Variants in HMCN2 observed in about 807,000 individuals in gnomAD.
HMCN2 encodes the protein hemicentin 2.
A neutral mutation model predicts 377.5 loss-of-function variants in HMCN2; 325 were observed. The ratio of observed to expected loss-of-function variants is 0.86; its 90% CI spans 0.79 to 0.94. HMCN2 has a LOEUF of 0.94. Among genes scored for constraint, HMCN2 ranks in the 40% least tolerant of loss-of-function variants. The pLI is 0.00. For missense variants in HMCN2, 4,543 were observed against 4,725.3 expected (o/e 0.96, Z 1.13); for synonymous variants, 2,007 against 2,046.8 (o/e 0.98, Z 0.53).
At chr9:130,327,156 C>G (rs1209453420) in intron 21 of HMCN2, among the ~76,000 whole-genome samples, 154 bp from the exon 22 acceptor site, 7 of 152,094 alleles carry the variant, frequency 4.6e-5, no homozygotes, top group Non-Finnish European at 5.9e-5. Flanking sequence ...TGGACTCCCC[C>G]CCTTCTGACA....
Position 130,349,569 on chromosome 9 carries a change from C to T in HMCN2, c.4336C>T (p.Gln1446Ter), listed in dbSNP as rs559732249. 2 of 1,303,530 alleles carry T rather than the reference C, an allele frequency of 1.5e-6. No individual in the cohort carries two copies. Among genetic ancestry groups the T allele is most frequent in the Non-Finnish European group, 2.0e-6 (2 of 988,866 alleles). 80.7% of individuals were successfully genotyped at this position (1,303,530 alleles called of 1,614,324 possible). ...PPSVLGAGAAQEVLGLAGADV... is the reference protein window; with the variant it reads ...PPSVLGAGAA ...TTCCGTGCTTGGAGCCGGGGCCGCTCAGGAGGTGCTAGGATTGGCCGGTGC... is the reference window on the plus strand; with the variant it reads ...TTCCGTGCTTGGAGCCGGGGCCGCTTAGGAGGTGCTAGGATTGGCCGGTGC... The change falls in exon 29 of 98, where the codon CAG becomes TAG. Residue 1446 changes from glutamine (Q) to a stop codon, truncating the protein, a stop_gained. Transcript: ENST00000683500. LOFTEE classifies it high-confidence loss of function.
At chr9:130,401,135 G>A (rs986714174) in intron 77 of HMCN2, among the ~76,000 whole-genome samples, 188 bp downstream of exon 77, 21 of 152,196 alleles carry the variant, frequency 1.4e-4, no homozygotes, top group African/African-American at 5.1e-4. Flanking sequence ...GCTCTGCAGT[G>A]TTGAGACCCA....
chr9:130,291,070 TG>T (rs1835731521), intron 4 of HMCN2, among the ~76,000 whole-genome samples: 1 of 152,188 alleles, frequency 6.6e-6, no homozygotes, highest in Non-Finnish European at 1.5e-5. Flanking sequence ...TTTTTCTACT[TG>T]GGGCTGAATG....
chr9:130,318,681 A>G (rs1195174705), intron 15 of HMCN2, among the ~76,000 whole-genome samples: 2 of 152,136 alleles, frequency 1.3e-5, no homozygotes, highest in Non-Finnish European at 2.9e-5. Flanking sequence ...AGAATGTCTT[A>G]TAACTCCTGG....
Position 130,351,716 on chromosome 9 carries a change from G to T in HMCN2, c.4585+139G>T. 1.5e-6 allele frequency: 1 copy of T among 681,258 alleles called. No homozygotes were observed. The highest frequency in any genetic ancestry group is 2.1e-5 in the South Asian group (1 of 48,364). 42.2% of individuals were successfully genotyped at this position (681,258 alleles called of 1,614,324 possible). ...ATCCCTGAGTCCAAGAAAGCTGGGG[G>T]CTGGGGTCGGGGTTGGGGTCAGGGT... On this transcript the variant is annotated intron_variant, in intron 30 of 97. Transcript: ENST00000683500. The surrounding 1 kb of genome is among the most constrained non-coding windows in gnomAD (Gnocchi z 5.4).
intron 22 of HMCN2, among the ~76,000 whole-genome samples, chr9:130,336,950 G>A (rs1838785444): frequency 6.6e-6 from 1 of 152,144 alleles, no homozygotes; most frequent in Non-Finnish European, 1.5e-5. Flanking sequence ...AAAGCAAGGT[G>A]GGGGCCAGGC....
Position 130,424,931 on chromosome 9 carries a change from C to A in HMCN2, c.13519+18C>A, listed in dbSNP as rs1417484196. ...TGCTACAGGTAAACAGGGCCTCCCC[C>A]AGGTGGGCCAGGTAGGACTAAAGCC... On this transcript the variant is annotated intron_variant, in intron 88 of 97. Coordinates refer to ENST00000683500, the MANE Select transcript of HMCN2 (RefSeq NM_001291815.2). The A allele has an allele frequency of 1.6e-5, 23 of 1,464,824 alleles. 1 individual carries two copies. Among genetic ancestry groups the A allele is most frequent in the South Asian group, 2.8e-5 (2 of 71,092 alleles). 90.7% of individuals were successfully genotyped at this position (1,464,824 alleles called of 1,614,324 possible). A position where few individuals can be genotyped will look rare whatever the true frequency, so the allele number is the denominator to read the frequency against.
At chr9:130,276,252 G>C (rs1834687351) in intron 1 of HMCN2, among the ~76,000 whole-genome samples, 2 of 152,172 alleles carry the variant, frequency 1.3e-5, no homozygotes, top group African/African-American at 4.8e-5. Flanking sequence ...CAGGGTGCTG[G>C]CTTGCCTTGG....
At chr9:130,291,415 G>A (rs1554930035) in intron 4 of HMCN2, among the ~76,000 whole-genome samples, 1 of 152,096 alleles carries the variant, frequency 6.6e-6, no homozygotes, top group African/African-American at 2.4e-5. Flanking sequence ...TCACTGTGTT[G>A]GCCAGGCTAG....
At chr9:130,317,769 G>T (rs1467581705) in intron 15 of HMCN2, among the ~76,000 whole-genome samples, 1 of 143,952 alleles carries the variant, frequency 6.9e-6, no homozygotes, top group Non-Finnish European at 1.5e-5. Context: ...CTGGGCGACA[G>T]AGCGAGACTC....
At chr9:130,337,423 G>A (rs1838811760) in intron 22 of HMCN2, among the ~76,000 whole-genome samples, 1 of 152,084 alleles carries the variant, frequency 6.6e-6, no homozygotes, top group Admixed American at 6.5e-5. Flanking sequence ...CCCACACACC[G>A]GGCAGGTGTG....
chr9:130,325,343 G>A (rs1224428707), intron 19 of HMCN2, among the ~76,000 whole-genome samples: 3 of 151,962 alleles, frequency 2.0e-5, no homozygotes, highest in Admixed American at 6.5e-5. Context: ...TGATTCTCCC[G>A]CCTCAGCCTC....
At chr9:130,424,214 T>TGC (rs1844192183) in intron 87 of HMCN2, among the ~76,000 whole-genome samples, 1 of 149,072 alleles carries the variant, frequency 6.7e-6, no homozygotes, top group Admixed American at 6.7e-5. Context: ...AGTCTCGCTC[T>TGC]GTCACCCAGG....
rs529187161 is a variant in HMCN2, at chr9:130,418,919, G to A, written c.13109G>A (p.Arg4370Gln). The change falls in exon 86 of 98, where the codon CGG (arginine) becomes CAG (glutamine). Residue 4370 changes from arginine to glutamine, a missense_variant. Physicochemically the swap from Arg to Gln is conservative, Grantham distance 43 (BLOSUM62 1). This residue lies in a region of HMCN2 where 1,155 missense variants were observed against 1,157.7 expected (regional missense o/e 1.00). Transcript: ENST00000683500. The part of the protein sequence containing the change: ...GQPLRASRRL[R>Q]TLPDGSLWLE... ...CCCTTGCGGGCCAGCCGGCGGCTCC[G>A]GACCCTGCCCGATGGGAGCCTGTGG... 5,255 of 1,548,144 alleles carry A rather than the reference G, an allele frequency of 3.4e-3. 14 individuals are homozygous for A. Among genetic ancestry groups the A allele is most frequent in the Non-Finnish European group, 3.9e-3 (4,429 of 1,145,550 alleles).
At position 130,356,248 on chromosome 9, in the gene HMCN2, T is replaced by C; in HGVS notation, c.5416T>C (p.Ser1806Pro). 7.7e-7 allele frequency: 1 copy of C among 1,297,706 alleles called. No homozygotes were observed. The highest frequency in any genetic ancestry group is 1.0e-6 in the Non-Finnish European group (1 of 987,126). The allele number at this position is 1,297,706 out of a possible 1,614,324, so 80.4% of individuals were successfully genotyped here. A position where few individuals can be genotyped will look rare whatever the true frequency, so the allele number is the denominator to read the frequency against. The stretch of plus-strand genomic sequence containing the variant: ...CACTGCCGGGGCCGAGGTGGAGGTG[T>C]CTGTGCATGGTGAGTGGGCGCCTGG... ...AGTAGAEVEV[S>P]VHEFPSVSII... is the part of the protein sequence containing the mutation. Residue 1806 changes from serine (S) to proline (P), a missense_variant, in exon 34 of 98, where the codon TCT (serine) becomes CCT (proline). Transcript: ENST00000683500.
At chr9:130,409,869 C>T (rs892848409) in intron 84 of HMCN2, among the ~76,000 whole-genome samples, 2 of 152,116 alleles carry the variant, frequency 1.3e-5, no homozygotes, top group African/African-American at 4.8e-5. Flanking sequence ...TGGGTGTGGC[C>T]CCCCAGATAC....
rs969706293 is a variant in HMCN2 at position 130,355,730 on chromosome 9, T to A, written c.5147-16T>A. The A allele has an allele frequency of 1.6e-6, 2 of 1,278,750 alleles. No individual in the cohort carries two copies. Among genetic ancestry groups the A allele is most frequent in the South Asian group, 1.2e-5 (1 of 80,550 alleles). The allele number at this position is 1,278,750 out of a possible 1,614,324, so 79.2% of individuals were successfully genotyped here. A position where few individuals can be genotyped will look rare whatever the true frequency, so the allele number is the denominator to read the frequency against. ...CTGCTCAGCTCCAAACACCCAGGAG[T>A]GTGTTCTGCCTGCAGTGCCCCCACA... On this transcript the variant is annotated splice_polypyrimidine_tract_variant and intron_variant, in intron 32 of 97. Transcript: ENST00000683500.
chr9:130,343,884 G>A (rs1347938888), intron 25 of HMCN2, among the ~76,000 whole-genome samples: 3 of 152,194 alleles, frequency 2.0e-5, no homozygotes, highest in Non-Finnish European at 4.4e-5. Context: ...CCCTCATGGG[G>A]ACTCCCTGGG....
Position 130,354,859 on chromosome 9 carries a change from C to G in HMCN2, c.4961C>G (p.Pro1654Arg), listed in dbSNP as rs753668651. The change falls in exon 32 of 98, where the codon CCG becomes CGG. Residue 1654 changes from proline (P) to arginine (R), a missense_variant. This residue lies in a region of HMCN2 where 1,032 missense variants were observed against 1,285.1 expected (regional missense o/e 0.80). Transcript: ENST00000683500. ...CTGGAGTGCGTGGCCAGAGGCCACC[C>G]GTCCCCCACCCTCTCCTGGCACCAC... ...VALECVARGH[P>R]SPTLSWHHEG... The G allele has an allele frequency of 1.5e-6, 2 of 1,304,236 alleles. No homozygotes were observed. The highest frequency in any genetic ancestry group is 1.2e-5 in the South Asian group (1 of 81,020). The allele number at this position is 1,304,236 out of a possible 1,614,324, so 80.8% of individuals were successfully genotyped here.
Sources: gnomAD v4.1 joint callset for allele counts (sites outside exome capture counted in the v4.1 genomes callset) on GRCh38, gnomAD v4.1.1 for gene constraint, gnomAD v4.1.1 regional missense constraint, Gnocchi (gnomAD v3.1) non-coding constraint, MANE v1.5 for transcripts, NCBI Gene and HGNC (gene_info 2026-07-23, HGNC 2026-07-21) for gene names.